The following PTPRD variants were observed in gnomAD, a reference collection of about 807,000 sequenced individuals.
PTPRD encodes the protein protein tyrosine phosphatase receptor type D, also known as receptor-type tyrosine-protein phosphatase delta.
Under a neutral mutation model 214.5 loss-of-function variants are expected in PTPRD, and 34 were observed. That is an observed-to-expected ratio of 0.16 (90% CI 0.12 to 0.21). PTPRD has a LOEUF of 0.21. Among genes scored for constraint, PTPRD ranks in the 10% least tolerant of loss-of-function variants. PTPRD has a pLI of 1.00. For synonymous variants in PTPRD, 1,128 were observed against 845.7 expected, an observed-to-expected ratio of 1.33 and a Z score of -5.79; for missense variants, 2,545 against 2,398.7, an observed-to-expected ratio of 1.06 and a Z score of -1.27.
chr9:9,808,068 G>T (rs1211959030), intron 5 of PTPRD, among the ~76,000 whole-genome samples: 2 of 152,164 alleles, frequency 1.3e-5, no homozygotes, highest in Admixed American at 6.6e-5. Context: ...TATCCAGCTT[G>T]AGAATATATG....
chr9:8,674,318 C>T (rs910772392), intron 12 of PTPRD, among the ~76,000 whole-genome samples: 3 of 151,716 alleles, frequency 2.0e-5, no homozygotes, highest in African/African-American at 4.8e-5. Context: ...ATTAGCTGGG[C>T]GTGGTGGCAC....
At chr9:8,547,138 A>G (rs1298286276) in intron 14 of PTPRD, among the ~76,000 whole-genome samples, 3 of 152,230 alleles carry the variant, frequency 2.0e-5, no homozygotes, top group African/African-American at 7.2e-5. Flanking sequence ...CCTTTTAAAA[A>G]TATATAATGT....
intron 2 of PTPRD, among the ~76,000 whole-genome samples, chr9:10,379,248 T>G (rs61215969): frequency 0.03 from 4,489 of 151,052 alleles, 213 homozygotes; most frequent in African/African-American, 0.094. Context: ...ATAGTTTTTT[T>G]TGTGTGTGTG....
At chr9:8,415,760 G>A (rs910839425) in intron 35 of PTPRD, among the ~76,000 whole-genome samples, 7 of 152,152 alleles carry the variant, frequency 4.6e-5, no homozygotes, top group Non-Finnish European at 7.4e-5. Context: ...CAGGGAGGAC[G>A]ATGACCATGA....
rs75535808 is a variant in PTPRD at position 10,163,438 on chromosome 9, A to C, written c.-544-129648T>G. On this transcript the variant is annotated intron_variant, in intron 3 of 45. Transcript: ENST00000381196. ...CATTAGAACTTATTCTTATGTGACT[A>C]TACTCACTTTTATAAAGTGAGAGTG... Among the ~76,000 whole-genome samples, 165 of 151,606 alleles carry C rather than the reference A, an allele frequency of 1.1e-3. 4 individuals carry two copies. In the East Asian group the frequency reaches 0.031, roughly 28 times the overall value.
intron 5 of PTPRD, among the ~76,000 whole-genome samples, chr9:9,923,015 G>C (rs185797024): frequency 6.6e-6 from 1 of 151,746 alleles, no homozygotes. Context: ...CATACTGTAG[G>C]TAAGTAAGAC....
At chr9:8,663,863 G>T (rs990231381) in intron 12 of PTPRD, among the ~76,000 whole-genome samples, 3 of 151,036 alleles carry the variant, frequency 2.0e-5, no homozygotes, top group Non-Finnish European at 2.9e-5. Context: ...TAATTAAAGT[G>T]TAGATATTAC....
At chr9:9,748,332 AC>A (rs1432088525) in intron 6 of PTPRD, among the ~76,000 whole-genome samples, 41 of 152,340 alleles carry the variant, frequency 2.7e-4, no homozygotes, top group African/African-American at 9.6e-4. Flanking sequence ...GTTCTTAATA[AC>A]AAAAATAAGA....
At chr9:10,011,763 G>C (rs1236653839) in intron 4 of PTPRD, among the ~76,000 whole-genome samples, 1 of 151,902 alleles carries the variant, frequency 6.6e-6, no homozygotes, top group Non-Finnish European at 1.5e-5. Context: ...CAGTCCCTTA[G>C]TTTTCTATTA....
At chr9:9,324,681 A>G (rs1447115879) in intron 9 of PTPRD, among the ~76,000 whole-genome samples, 4 of 151,972 alleles carry the variant, frequency 2.6e-5, no homozygotes, top group East Asian at 1.9e-4. Flanking sequence ...GCTGTGCAGA[A>G]GCTCTTTAGT....
rs1445129580 is a variant in PTPRD, at chr9:10,169,885, G to A, written c.-544-136095C>T. 2.0e-5 allele frequency among the ~76,000 whole-genome samples: 3 copies of A among 152,210 alleles called. No homozygotes were observed. In the East Asian group the frequency reaches 5.8e-4, roughly 29 times the overall value. On this transcript the variant is annotated intron_variant, in intron 3 of 45. Coordinates refer to ENST00000381196, the MANE Select transcript of PTPRD (RefSeq NM_002839.4). Reference sequence around the variant, plus strand: ...TGCTCAATAGAAGGTGATTCCAAGTGGGTCAAAATATTAGATTTAGTTTAT... The same window carrying A: ...TGCTCAATAGAAGGTGATTCCAAGTAGGTCAAAATATTAGATTTAGTTTAT...
At chr9:10,042,114 C>T (rs1475481397) in intron 3 of PTPRD, among the ~76,000 whole-genome samples, 1 of 152,000 alleles carries the variant, frequency 6.6e-6, no homozygotes, top group African/African-American at 2.4e-5. Flanking sequence ...CTAAAACTTT[C>T]GACTGCTTTT....
chr9:9,642,951 C>A (rs1015835477), intron 7 of PTPRD, among the ~76,000 whole-genome samples: 3 of 152,164 alleles, frequency 2.0e-5, no homozygotes, highest in African/African-American at 7.2e-5. Flanking sequence ...GTTCTTTAAA[C>A]AGAATACCTT....
intron 7 of PTPRD, among the ~76,000 whole-genome samples, chr9:9,728,118 G>C (rs2098124682): frequency 6.6e-6 from 1 of 152,004 alleles, no homozygotes; most frequent in Non-Finnish European, 1.5e-5. Flanking sequence ...ATTATCTCTT[G>C]CCTACCACCA....
chr9:10,231,307 G>A (rs2099608742), intron 3 of PTPRD, among the ~76,000 whole-genome samples: 1 of 151,542 alleles, frequency 6.6e-6, no homozygotes, highest in African/African-American at 2.4e-5. Flanking sequence ...GAGAGAGGCT[G>A]TGAGGGGGGA....
chr9:9,219,743 G>GC (rs990481336), intron 9 of PTPRD, among the ~76,000 whole-genome samples: 2 of 152,144 alleles, frequency 1.3e-5, no homozygotes, highest in African/African-American at 4.8e-5. Context: ...TGGAGTGAAG[G>GC]CAGAAGGTGG....
chr9:10,004,190 T>C (rs1402150486), intron 4 of PTPRD, among the ~76,000 whole-genome samples: 2 of 151,672 alleles, frequency 1.3e-5, no homozygotes, highest in African/African-American at 2.4e-5. Flanking sequence ...CTAAATACAT[T>C]AAAAAAAATT....
intron 3 of PTPRD, among the ~76,000 whole-genome samples, chr9:10,075,238 A>T (rs2098114407): frequency 6.6e-6 from 1 of 151,972 alleles, no homozygotes. Flanking sequence ...TAAAAATGAG[A>T]CCCCCCGAAG....
intron 8 of PTPRD, among the ~76,000 whole-genome samples, chr9:9,516,285 T>A (rs1489773376): frequency 1.3e-5 from 2 of 152,038 alleles, no homozygotes. Flanking sequence ...AAGAACATAT[T>A]GTAATGGGAG....
Sources: gnomAD v4.1 joint callset for allele counts (sites outside exome capture counted in the v4.1 genomes callset) on GRCh38, gnomAD v4.1.1 for gene constraint, MANE v1.5 for transcripts, NCBI Gene and HGNC (gene_info 2026-07-23, HGNC 2026-07-21) for gene names.